The following MLXIPL variants were observed in gnomAD, a reference collection of about 807,000 sequenced individuals.
MLXIPL encodes the protein MLX interacting protein like.
In MLXIPL, 49 loss-of-function variants were observed where a neutral mutation model predicts 81.5. The observed-to-expected ratio is 0.60, with a 90% confidence interval of 0.48 to 0.76. The LOEUF (loss-of-function observed/expected upper bound fraction) is 0.76, where lower values mean the gene tolerates loss of function less well. MLXIPL is among the 30% of genes least tolerant of loss of function. The pLI is 0.00. For synonymous variants in MLXIPL, 466 were observed against 485.5 expected, an observed-to-expected ratio of 0.96 and a Z score of 0.53; for missense variants, 1,053 against 1,167.0, an observed-to-expected ratio of 0.90 and a Z score of 1.42.
Position 73,596,752 on chromosome 7 carries a change from G to T in MLXIPL, c.1709C>A (p.Pro570His). The change falls in exon 11 of 17, where the codon CCC becomes CAC. Residue 570 changes from proline (P) to histidine (H), a missense_variant. Physicochemically the swap from Pro to His is moderately conservative, Grantham distance 77 (BLOSUM62 -2). Around this residue, in one of 3 missense-constraint regions of MLXIPL, gnomAD observed 823 missense variants for 933.0 expected, o/e 0.88. Transcript: ENST00000313375. This position sits in a 1 kb window ranked among gnomAD's most constrained non-coding sequence, Gnocchi z 4.7. ...TVPEFPCTFL[P>H]PTPAPTPPRP... is the part of the protein sequence containing the mutation. ...GGGCGGTGTAGGGGCCGGGGTCGGG[G>T]GAAGGAATGTGCAGGGGAATTCAGG... 6.3e-7 allele frequency: 1 copy of T among 1,599,900 alleles called. No homozygotes were observed.
rs1794030998 is a variant in MLXIPL at position 73,593,704 on chromosome 7, G to A, written c.*161C>T. 5 of 680,722 alleles carry A rather than the reference G, an allele frequency of 7.3e-6. No individual in the cohort carries two copies. The highest frequency in any genetic ancestry group is 2.6e-6 in the Non-Finnish European group (1 of 377,484). The allele number at this position is 680,722 out of a possible 1,614,324, so 42.2% of individuals were successfully genotyped here. A position where few individuals can be genotyped will look rare whatever the true frequency, so the allele number is the denominator to read the frequency against. On this transcript the variant is annotated 3_prime_UTR_variant, in exon 17 of 17. Transcript: ENST00000313375. ...GGGACTCTGCTCTTCTTGACCTCCA[G>A]GAGGTGGCAAGTGTGAAACCTGGAC...
At chr7:73,608,563 A>G (rs1442257133) in intron 2 of MLXIPL, among the ~76,000 whole-genome samples, 3 of 151,958 alleles carry the variant, frequency 2.0e-5, no homozygotes, top group African/African-American at 7.2e-5. Flanking sequence ...GCCTGGTGAC[A>G]GAGCAAGAAT....
chr7:73,638,321 T>C, the MLXIPL span, among the ~76,000 whole-genome samples: 2 of 152,324 alleles, frequency 1.3e-5, no homozygotes, highest in East Asian at 3.9e-4. Context: ...TTTTATTTTT[T>C]GGGGACAGAA....
At chr7:73,603,556 T>C (rs1210299941) in intron 7 of MLXIPL, among the ~76,000 whole-genome samples, 1 of 152,130 alleles carries the variant, frequency 6.6e-6, no homozygotes, top group Non-Finnish European at 1.5e-5. Flanking sequence ...TCCCGCCCCA[T>C]AGGCCTCCAC....
intron 3 of MLXIPL, 35 bp from the exon 4 acceptor site, chr7:73,607,455 G>A (rs2116365263): frequency 6.5e-7 from 1 of 1,533,216 alleles, no homozygotes; most frequent in Admixed American, 2.0e-5. Flanking sequence ...GATCAGTAGA[G>A]AGGGGAGCAC....
At chr7:73,640,691 C>T in the MLXIPL span, among the ~76,000 whole-genome samples, 3 of 150,130 alleles carry the variant, frequency 2.0e-5, no homozygotes, top group Non-Finnish European at 4.4e-5. Context: ...GCAGGAAAAT[C>T]GCTTGAATCC....
At chr7:73,612,588 G>A (rs1554599941) in intron 2 of MLXIPL, among the ~76,000 whole-genome samples, 1 of 151,116 alleles carries the variant, frequency 6.6e-6, no homozygotes, top group African/African-American at 2.4e-5. Context: ...GCTGCAGTGA[G>A]TCGAGAGCAC....
the MLXIPL span, among the ~76,000 whole-genome samples, chr7:73,634,414 C>G: frequency 6.6e-6 from 1 of 151,972 alleles, no homozygotes; most frequent in African/African-American, 2.4e-5. Flanking sequence ...TTTTTTGAGA[C>G]AGAGTCTTAC....
intron 3 of MLXIPL, 37 bp from the exon 4 acceptor site, chr7:73,607,457 G>A (rs1554598643): frequency 3.3e-6 from 5 of 1,521,018 alleles, no homozygotes; most frequent in South Asian, 2.4e-5. Flanking sequence ...TCAGTAGAGA[G>A]GGGAGCACCG....
the MLXIPL span, among the ~76,000 whole-genome samples, chr7:73,644,194 G>A: frequency 6.6e-6 from 1 of 151,716 alleles, no homozygotes; most frequent in Non-Finnish European, 1.5e-5. Flanking sequence ...CACTGCACCT[G>A]GCTGAGGACT....
At chr7:73,633,351 T>G in the MLXIPL span, among the ~76,000 whole-genome samples, 2 of 151,106 alleles carry the variant, frequency 1.3e-5, no homozygotes, top group African/African-American at 2.4e-5. Flanking sequence ...CAAAGTGTTT[T>G]TTTTTTTTTT....
chr7:73,597,576 C>T lies in MLXIPL; in HGVS notation c.1209G>A (p.Lys403=). 1 of 1,006,322 alleles carries T rather than the reference C, an allele frequency of 9.9e-7. No homozygotes were observed. The highest frequency in any genetic ancestry group is 8.3e-5 in the Admixed American group (1 of 12,070). 62.3% of individuals were successfully genotyped at this position (1,006,322 alleles called of 1,614,324 possible). The change falls in exon 9 of 17, where the codon AAG becomes AAA. Residue 403 remains lysine (K), a synonymous_variant. Coordinates refer to ENST00000313375, the MANE Select transcript of MLXIPL (RefSeq NM_032951.3). ...GGGGGCAGGGCTCCAGGCCTGGCACCTTGGCAGGGGGAGGGTAATGCAGCA... is the reference window on the plus strand; with the variant it reads ...GGGGGCAGGGCTCCAGGCCTGGCACTTTGGCAGGGGGAGGGTAATGCAGCA... The part of the protein sequence containing the change: ...PPLLHYPPPA[K]VPGLEPCPPP...
intron 7 of MLXIPL, among the ~76,000 whole-genome samples, chr7:73,601,664 G>A (rs1249228654): frequency 6.6e-6 from 1 of 152,066 alleles, no homozygotes; most frequent in Admixed American, 6.6e-5. Flanking sequence ...CCGAGTAGCT[G>A]GGATTACAGG....
intron 7 of MLXIPL, among the ~76,000 whole-genome samples, chr7:73,602,114 GCCTGCCTGCCTGCCTGCCTTCCTT>G (rs1435780508): frequency 1.9e-5 from 1 of 53,550 alleles, no homozygotes; most frequent in African/African-American, 7.7e-5. Flanking sequence ...CTGCCTGCCT[GCCTGCCTGCCTGCCTGCCTTCCTT>G]CCTTCCTTCC....
At chr7:73,597,871 G>C (rs1046309244) in intron 8 of MLXIPL, among the ~76,000 whole-genome samples, 158 bp from the exon 9 acceptor site, 2 of 152,134 alleles carry the variant, frequency 1.3e-5, no homozygotes, top group African/African-American at 4.8e-5. Flanking sequence ...ACACACACAG[G>C]TGTGCGAACA....
chr7:73,605,881 C>G, intron 6 of MLXIPL, 29 bp downstream of exon 6: 11 of 1,568,164 alleles, frequency 7.0e-6, no homozygotes, highest in Non-Finnish European at 9.5e-6. Context: ...GCCTTCACCC[C>G]TCTCCCCTGC....
chr7:73,643,275 G>A, the MLXIPL span, among the ~76,000 whole-genome samples: 5 of 152,146 alleles, frequency 3.3e-5, no homozygotes, highest in Non-Finnish European at 5.9e-5. Flanking sequence ...AGGACATTGG[G>A]AGGCCGAGGC....
At chr7:73,605,546 AAAATAAAT>A (rs1360824448) in intron 7 of MLXIPL, 134 bp downstream of exon 7, 1 of 775,520 alleles carries the variant, frequency 1.3e-6, no homozygotes, top group African/African-American at 1.8e-5. Context: ...ATGCCATCTC[AAAATAAAT>A]AAATAAATAA....
chr7:73,611,904 G>C (rs1795710769), intron 2 of MLXIPL, among the ~76,000 whole-genome samples: 1 of 152,150 alleles, frequency 6.6e-6, no homozygotes, highest in Non-Finnish European at 1.5e-5. Flanking sequence ...TCTGAGCCCA[G>C]ATTGGACAGA....
Sources: gnomAD v4.1 joint callset for allele counts (sites outside exome capture counted in the v4.1 genomes callset) on GRCh38, gnomAD v4.1.1 for gene constraint, gnomAD v4.1.1 regional missense constraint, Gnocchi (gnomAD v3.1) non-coding constraint, MANE v1.5 for transcripts, NCBI Gene and HGNC (gene_info 2026-07-23, HGNC 2026-07-21) for gene names.